SH3PXD2B: variants seen among roughly 807,000 people sequenced by gnomAD.
The protein encoded by SH3PXD2B is SH3 and PX domain-containing protein 2B.
A neutral mutation model predicts 73.1 loss-of-function variants in SH3PXD2B; 37 were observed. That is an observed-to-expected ratio of 0.51 (90% CI 0.39 to 0.67). The LOEUF is 0.67. Among genes scored for constraint, SH3PXD2B ranks in the 30% least tolerant of loss-of-function variants. The pLI is 0.00. For synonymous variants in SH3PXD2B, 457 were observed against 480.5 expected (o/e 0.95, Z 0.64); for missense variants, 1,053 against 1,197.8 (o/e 0.88, Z 1.78).
At chr5:172,434,014 A>G (rs189850467) in intron 1 of SH3PXD2B, among the ~76,000 whole-genome samples, 1 of 152,306 alleles carries the variant, frequency 6.6e-6, no homozygotes, top group Non-Finnish European at 1.5e-5. Flanking sequence ...GTAACAGCCA[A>G]GGGGTCAGCT....
intron 5 of SH3PXD2B, among the ~76,000 whole-genome samples, chr5:172,375,371 AAAAC>A (rs1358091475): frequency 5.9e-5 from 9 of 152,314 alleles, no homozygotes; most frequent in African/African-American, 1.2e-4. Context: ...AAAACAAAAC[AAAAC>A]AAACAAACAA....
At chr5:172,418,324 T>C (rs1342503349) in intron 2 of SH3PXD2B, among the ~76,000 whole-genome samples, 1 of 152,230 alleles carries the variant, frequency 6.6e-6, no homozygotes, top group Non-Finnish European at 1.5e-5. Context: ...TTTCACCCCA[T>C]GTCACCAATG....
In SH3PXD2B at chr5:172,436,454, C is replaced by T. The variant is rs1256163384; in HGVS notation, c.76-13958G>A. On this transcript the variant is annotated intron_variant, in intron 1 of 12. Coordinates refer to ENST00000311601, the MANE Select transcript of SH3PXD2B (RefSeq NM_001017995.3). The stretch of plus-strand genomic sequence containing the variant: ...GCTTCAGGCAGACAACAAAGGGTTC[C>T]AGGCCTTTAAAACATTTGAAAACCC... Among the ~76,000 whole-genome samples, 3 of 152,230 alleles carry T rather than the reference C, an allele frequency of 2.0e-5. No individual in the cohort carries two copies. In the East Asian group the frequency reaches 5.8e-4, roughly 29 times the overall value.
chr5:172,452,389 T>C lies in SH3PXD2B; in HGVS notation c.75+1889A>G, dbSNP rs867435653. On this transcript the variant is annotated intron_variant, in intron 1 of 12. Coordinates refer to ENST00000311601, the MANE Select transcript of SH3PXD2B (RefSeq NM_001017995.3). ...TGAAAAGCTTCCAGGTTTTCACTAA[T>C]GATAAGAGAGATTTCCCAGTTTTTC... is the stretch of plus-strand genomic sequence containing the variant. Among the ~76,000 whole-genome samples the C allele has an allele frequency of 1.8e-4, 28 of 152,264 alleles. No individual in the cohort carries two copies. In the Middle Eastern group the frequency reaches 0.017, roughly 92 times the overall value.
At chr5:172,414,712 GC>G (rs1025176035) in intron 2 of SH3PXD2B, among the ~76,000 whole-genome samples, 2 of 152,186 alleles carry the variant, frequency 1.3e-5, no homozygotes, top group Non-Finnish European at 2.9e-5. Flanking sequence ...CTGGATCTCT[GC>G]AGCATGAACT....
chr5:172,427,526 A>AT (rs914954973), intron 1 of SH3PXD2B, among the ~76,000 whole-genome samples: 4 of 151,872 alleles, frequency 2.6e-5, no homozygotes, highest in African/African-American at 9.7e-5. Context: ...TATTATTATT[A>AT]TTTTTTGTAG....
At chr5:172,355,283 T>A (rs1757245317) in intron 8 of SH3PXD2B, among the ~76,000 whole-genome samples, 1 of 152,218 alleles carries the variant, frequency 6.6e-6, no homozygotes, top group Non-Finnish European at 1.5e-5. Context: ...GCTGACCTGC[T>A]CGGCGGGGGC....
At chr5:172,340,202 T>C (rs992170166) in intron 12 of SH3PXD2B, among the ~76,000 whole-genome samples, 1 of 152,092 alleles carries the variant, frequency 6.6e-6, no homozygotes, top group African/African-American at 2.4e-5. Flanking sequence ...GAAATACAAG[T>C]AAGGAAGTAG....
At chr5:172,384,263 C>T (rs966180172) in intron 4 of SH3PXD2B, among the ~76,000 whole-genome samples, 4 of 152,100 alleles carry the variant, frequency 2.6e-5, no homozygotes, top group Admixed American at 6.5e-5. Flanking sequence ...TGAATGGAGG[C>T]CTCCAGTGTG....
At chr5:172,402,780 C>T (rs187807039) in intron 3 of SH3PXD2B, among the ~76,000 whole-genome samples, 104 of 152,350 alleles carry the variant, frequency 6.8e-4, no homozygotes, top group Non-Finnish European at 1.5e-4. Flanking sequence ...CCATGACACC[C>T]AGCACCGGGG....
rs1171836691 is a variant in SH3PXD2B at position 172,448,564 on chromosome 5, C to T, written c.75+5714G>A. ...AGTGCAAGGTCACCCCGCTCAGGAG[C>T]GCTTGAAGAGAATTCAAAGCCAGGT... On this transcript the variant is annotated intron_variant, in intron 1 of 12. Transcript: ENST00000311601. Among the ~76,000 whole-genome samples the T allele has an allele frequency of 5.9e-5, 9 of 152,262 alleles. No individual in the cohort carries two copies. The East Asian group carries it at 1.2e-3, about 20-fold the overall frequency.
At chr5:172,434,897 C>T (rs892405885) in intron 1 of SH3PXD2B, among the ~76,000 whole-genome samples, 10 of 151,794 alleles carry the variant, frequency 6.6e-5, no homozygotes, top group African/African-American at 9.7e-5. Context: ...GATTCTCATG[C>T]CTCAGTCTCC....
Position 172,339,614 on chromosome 5 carries a change from C to G in SH3PXD2B, c.1491G>C (p.Lys497Asn). ...CTGACGCAGACATGTCTGAAGATGC[C>G]TTCCTCAGGACATCCTTACTGCCCT... ...DWKGSKDVLR[K>N]ASSDMSASAG... Residue 497 changes from lysine (K) to asparagine (N), a missense_variant, in exon 13 of 13, where the codon AAG becomes AAC. By Grantham distance (94) the Lys-to-Asn change is moderately conservative (BLOSUM62 0). Around this residue, in one of 2 missense-constraint regions of SH3PXD2B, gnomAD observed 587 missense variants for 590.7 expected, o/e 0.99. Coordinates refer to ENST00000311601, the MANE Select transcript of SH3PXD2B (RefSeq NM_001017995.3). This position sits in a 1 kb window ranked among gnomAD's most constrained non-coding sequence, Gnocchi z 6.1. The G allele has an allele frequency of 6.2e-7, 1 of 1,614,258 alleles. No individual in the cohort carries two copies. Among genetic ancestry groups the G allele is most frequent in the Non-Finnish European group, 8.5e-7 (1 of 1,180,048 alleles).
intron 10 of SH3PXD2B, among the ~76,000 whole-genome samples, chr5:172,348,625 TGTATCTATCTATGTATCTATCTATCTATC>T (rs1409688636): frequency 0.015 from 1,410 of 94,494 alleles, 12 homozygotes; most frequent in Non-Finnish European, 0.018. Flanking sequence ...AATCTATCTA[TGTATCTATCTATGTATCTATCTATCTATC>T]CTATCTATCT....
In SH3PXD2B at chr5:172,338,396, A is replaced by G. The variant is rs1756753538; in HGVS notation, c.2709T>C (p.Pro903=). The stretch of plus-strand genomic sequence containing the variant: ...ACGGCTTCTTTCTGAGATAGTTGGA[A>G]GGAATCCACCCTTCCCAGGAAGGGG... ...SGAPSWEGWI[P]SNYLRKKP is the part of the protein sequence containing the mutation. Residue 903 remains proline, a synonymous_variant, in exon 13 of 13, where the codon CCT becomes CCC. Coordinates refer to ENST00000311601, the MANE Select transcript of SH3PXD2B (RefSeq NM_001017995.3). This position sits in a 1 kb window ranked among gnomAD's most constrained non-coding sequence, Gnocchi z 5.1. The G allele has an allele frequency of 6.2e-7, 1 of 1,614,064 alleles. No individual in the cohort carries two copies. Among genetic ancestry groups the G allele is most frequent in the African/African-American group, 1.3e-5 (1 of 74,928 alleles).
Position 172,421,800 on chromosome 5 carries a change from C to T in SH3PXD2B, c.156+616G>A, listed in dbSNP as rs1329720997. On this transcript the variant is annotated intron_variant, in intron 2 of 12. Coordinates refer to ENST00000311601, the MANE Select transcript of SH3PXD2B (RefSeq NM_001017995.3). The surrounding 1 kb of genome is among the most constrained non-coding windows in gnomAD (Gnocchi z 4.0). The stretch of plus-strand genomic sequence containing the variant: ...CAAAAGTCTAGACACACTCAACAAA[C>T]CCAGCTCACCAGCAAACACGATTAT... Among the ~76,000 whole-genome samples the T allele has an allele frequency of 3.3e-5, 5 of 152,212 alleles. No individual in the cohort carries two copies. The East Asian group carries it at 9.6e-4, about 29-fold the overall frequency.
chr5:172,399,558 T>A (rs1048895778), intron 3 of SH3PXD2B, among the ~76,000 whole-genome samples: 2 of 152,190 alleles, frequency 1.3e-5, no homozygotes, highest in Non-Finnish European at 2.9e-5. Flanking sequence ...TGCCAACTCC[T>A]TAGAAGCCGG....
In SH3PXD2B at chr5:172,336,722, G is replaced by T; in HGVS notation, c.*1647C>A. ...GGGAGGGGCGGGGCAGGGCAGGGCA[G>T]GGCTGCCTCGGTCGGGTAGAATGGG... On this transcript the variant is annotated 3_prime_UTR_variant, in exon 13 of 13. Transcript: ENST00000311601. 2.0e-6 allele frequency: 2 copies of T among 985,674 alleles called. No individual in the cohort carries two copies. Among genetic ancestry groups the T allele is most frequent in the Non-Finnish European group, 2.4e-6 (2 of 830,198 alleles). The allele number at this position is 985,674 out of a possible 1,614,324, so 61.1% of individuals were successfully genotyped here.
intron 7 of SH3PXD2B, 71 bp downstream of exon 7, chr5:172,362,664 T>C: frequency 6.2e-7 from 1 of 1,611,364 alleles, no homozygotes; most frequent in South Asian, 1.1e-5. Context: ...AGTTTCTGAG[T>C]TTCCAAATGT....
Sources: gnomAD v4.1 joint callset for allele counts (sites outside exome capture counted in the v4.1 genomes callset) on GRCh38, gnomAD v4.1.1 for gene constraint, gnomAD v4.1.1 regional missense constraint, Gnocchi (gnomAD v3.1) non-coding constraint, MANE v1.5 for transcripts, NCBI Gene and HGNC (gene_info 2026-07-23, HGNC 2026-07-21) for gene names.